The following RUBCN variants were observed in gnomAD, a reference collection of about 807,000 sequenced individuals.
RUBCN encodes rubicon autophagy regulator, also known as run domain Beclin-1-interacting and cysteine-rich domain-containing protein.
RUBCN carries 74 observed loss-of-function variants against 113.2 expected under a neutral mutation model. The ratio of observed to expected loss-of-function variants is 0.65; its 90% CI spans 0.54 to 0.79. RUBCN has a LOEUF of 0.79. Ranked by LOEUF, RUBCN falls within the 30% of genes least tolerant of loss-of-function variation. RUBCN has a pLI of 0.00. For missense variants in RUBCN, 1,109 were observed against 1,251.7 expected, an observed-to-expected ratio of 0.89 and a Z score of 1.72; for synonymous variants, 480 against 490.0, an observed-to-expected ratio of 0.98 and a Z score of 0.27.
intron 7 of RUBCN, among the ~76,000 whole-genome samples, chr3:197,698,829 C>CAAAAAAA (rs113975138): frequency 3.2e-5 from 1 of 31,088 alleles, no homozygotes; most frequent in Non-Finnish European, 7.2e-5. Context: ...CCTGTCTCTA[C>CAAAAAAA]AAAAAAAAAA....
At chr3:197,749,591 G>A in exon 1 of RUBCN, 2 of 1,228,140 alleles carry the variant, frequency 1.6e-6, no homozygotes, top group Non-Finnish European at 2.2e-6. Context: ...GGACCTGTCT[G>A]CAGCAGGAGG....
chr3:197,674,778 T>A lies in RUBCN; in HGVS notation c.*240A>T. The A allele has an allele frequency of 1.9e-6, 1 of 529,254 alleles. No individual in the cohort carries two copies. The highest frequency in any genetic ancestry group is 3.3e-6 in the Non-Finnish European group (1 of 301,706). 32.8% of individuals were successfully genotyped at this position (529,254 alleles called of 1,614,324 possible). On this transcript the variant is annotated 3_prime_UTR_variant, in exon 20 of 20. Transcript: ENST00000296343. ...CTTCACTGAAGGACCCGCATGTCAG[T>A]TCTGATGGAAACACCTGGTGTTTAC...
At chr3:197,711,853 T>C (rs1233666214) in intron 2 of RUBCN, among the ~76,000 whole-genome samples, 1 of 152,152 alleles carries the variant, frequency 6.6e-6, no homozygotes, top group Non-Finnish European at 1.5e-5. Flanking sequence ...ATATATATAG[T>C]ACAACCTTAA....
In RUBCN at chr3:197,675,337, G is replaced by C. The variant is rs912680421; in HGVS notation, c.2740+85C>G. ...GCCCCGCGAGGTGCTGAGTGGCACC[G>C]AACTCTTGCTAACAGGGGTGGCTCT... On this transcript the variant is annotated intron_variant, in intron 19 of 19. Coordinates refer to ENST00000296343, the MANE Select transcript of RUBCN (RefSeq NM_014687.4). This position sits in a 1 kb window ranked among gnomAD's most constrained non-coding sequence, Gnocchi z 4.4. 6.6e-7 allele frequency: 1 copy of C among 1,506,994 alleles called. No homozygotes were observed. The highest frequency in any genetic ancestry group is 1.7e-5 in the Admixed American group (1 of 59,918). 93.4% of individuals were successfully genotyped at this position (1,506,994 alleles called of 1,614,324 possible).
intron 1 of RUBCN, among the ~76,000 whole-genome samples, chr3:197,730,175 A>C (rs1727251612): frequency 6.6e-6 from 1 of 152,186 alleles, no homozygotes; most frequent in Admixed American, 6.6e-5. Flanking sequence ...TATTTTGGTA[A>C]GAGAACCCTG....
chr3:197,690,645 C>T (rs1722323428), intron 11 of RUBCN, among the ~76,000 whole-genome samples: 1 of 152,202 alleles, frequency 6.6e-6, no homozygotes, highest in East Asian at 1.9e-4. Flanking sequence ...GTTGGCTCTG[C>T]AAATTCAAAG....
chr3:197,690,942 T>C (rs1722352296), intron 11 of RUBCN: 1 of 440,760 alleles, frequency 2.3e-6, no homozygotes, highest in Non-Finnish European at 4.3e-6. Context: ...TCCAGTTTCT[T>C]CCAACTAGTT....
At chr3:197,727,343 A>G (rs1726876541) in intron 1 of RUBCN, among the ~76,000 whole-genome samples, 2 of 152,212 alleles carry the variant, frequency 1.3e-5, no homozygotes, top group African/African-American at 4.8e-5. Flanking sequence ...GTAACTGACA[A>G]TCTAGGGGAA....
chr3:197,693,133 T>C (rs1722609468), intron 11 of RUBCN, among the ~76,000 whole-genome samples: 3 of 152,128 alleles, frequency 2.0e-5, no homozygotes, highest in Admixed American at 2.0e-4. Flanking sequence ...TGATTTAACA[T>C]AACTGCCTTC....
chr3:197,713,076 C>T (rs780010257), intron 2 of RUBCN, among the ~76,000 whole-genome samples: 1 of 152,142 alleles, frequency 6.6e-6, no homozygotes. Context: ...TCAGGCTGGT[C>T]GTAAACTTCT....
intron 1 of RUBCN, 91 bp downstream of exon 1, chr3:197,736,564 G>A (rs1728153627): frequency 8.7e-7 from 1 of 1,149,034 alleles, no homozygotes; most frequent in South Asian, 1.3e-5. Flanking sequence ...CGTCGCGCCC[G>A]GCCCTTCTCT....
chr3:197,673,709 A>G lies in RUBCN; in HGVS notation c.*1309T>C, dbSNP rs1012211730. 7.2e-6 allele frequency: 1 copy of G among 139,542 alleles called. No homozygotes were observed. The highest frequency in any genetic ancestry group is 2.6e-5 in the African/African-American group (1 of 38,314). The allele number at this position is 139,542 out of a possible 1,614,324, so 8.6% of individuals were successfully genotyped here. On this transcript the variant is annotated 3_prime_UTR_variant, in exon 20 of 20. Coordinates refer to ENST00000296343, the MANE Select transcript of RUBCN (RefSeq NM_014687.4). ...CACCAAAATCAGCATTATCAAAAGGACTTCACCATCAACACACATTAACGG... is the reference window on the plus strand; with the variant it reads ...CACCAAAATCAGCATTATCAAAAGGGCTTCACCATCAACACACATTAACGG...
chr3:197,711,581 TC>T, intron 2 of RUBCN, among the ~76,000 whole-genome samples: 1 of 152,226 alleles, frequency 6.6e-6, no homozygotes, highest in Admixed American at 6.5e-5. Flanking sequence ...ATGCCTGTAA[TC>T]CCAGCACCTT....
At chr3:197,676,834 G>A (rs1227812788) in intron 18 of RUBCN, 51 bp downstream of exon 18, 2 of 1,613,162 alleles carry the variant, frequency 1.2e-6, no homozygotes, top group East Asian at 2.2e-5. Flanking sequence ...CCCCCTCCCT[G>A]TATCCCTAAA....
Position 197,674,888 on chromosome 3 carries a change from AAAAAAAAG to A in RUBCN, c.*122_*129del. 1 of 771,544 alleles carries A rather than the reference AAAAAAAAG, an allele frequency of 1.3e-6. No individual in the cohort carries two copies. 47.8% of individuals were successfully genotyped at this position (771,544 alleles called of 1,614,324 possible). The stretch of plus-strand genomic sequence containing the variant: ...GACGTCAGACAAGTCAGTAAAAAAA[AAAAAAAAG>A]ATGATGATAATTAAAAAAAAAAAAA... On this transcript the variant is annotated 3_prime_UTR_variant, in exon 20 of 20. Transcript: ENST00000296343.
At chr3:197,734,826 C>A (rs917055123) in intron 1 of RUBCN, among the ~76,000 whole-genome samples, 1 of 152,154 alleles carries the variant, frequency 6.6e-6, no homozygotes, top group Non-Finnish European at 1.5e-5. Context: ...GAAACTGAAA[C>A]ATGGAAAAGG....
At chr3:197,733,680 TAAAC>T (rs1727776395) in intron 1 of RUBCN, among the ~76,000 whole-genome samples, 1 of 152,184 alleles carries the variant, frequency 6.6e-6, no homozygotes, top group Admixed American at 6.6e-5. Context: ...GAAGCCTCAT[TAAAC>T]AACGCATTCT....
At chr3:197,737,831 G>A (rs73894337), upstream of RUBCN, among the ~76,000 whole-genome samples, 7,676 of 152,240 alleles carry the variant, frequency 0.05, 692 homozygotes, top group African/African-American at 0.18. Flanking sequence ...GTAATGCTAA[G>A]AAGTGAAGCG....
At chr3:197,714,075 C>CA (rs972226713) in intron 2 of RUBCN, among the ~76,000 whole-genome samples, 33 of 145,248 alleles carry the variant, frequency 2.3e-4, no homozygotes, top group African/African-American at 5.3e-4. Flanking sequence ...GACTCTGTAT[C>CA]AAAAAAAAAA....
Sources: allele counts gnomAD v4.1 joint callset (sites outside exome capture counted in the v4.1 genomes callset), GRCh38; gene constraint gnomAD v4.1.1; non-coding constraint Gnocchi (gnomAD v3.1); transcripts MANE v1.5; gene names NCBI Gene and HGNC (gene_info 2026-07-23, HGNC 2026-07-21).